The following RAP1GDS1 variants were observed in gnomAD, a reference collection of about 807,000 sequenced individuals.
The protein encoded by RAP1GDS1 is Rap1 GTPase-GDP dissociation stimulator 1.
Under a neutral mutation model 71.1 loss-of-function variants are expected in RAP1GDS1, and 35 were observed. The observed-to-expected ratio is 0.49, with a 90% CI of 0.38 to 0.65. The LOEUF (loss-of-function observed/expected upper bound fraction) is 0.65, where lower values mean the gene tolerates loss of function less well. Among genes scored for constraint, RAP1GDS1 ranks in the 30% least tolerant of loss-of-function variants. RAP1GDS1 has a pLI of 0.00. For missense variants in RAP1GDS1, 663 were observed against 706.1 expected (o/e 0.94, Z 0.69); for synonymous variants, 229 against 243.1 (o/e 0.94, Z 0.54).
intron 2 of RAP1GDS1, among the ~76,000 whole-genome samples, chr4:98,310,385 A>G (rs1730026365): frequency 6.6e-6 from 1 of 152,152 alleles, no homozygotes; most frequent in South Asian, 2.1e-4. Flanking sequence ...GCAATGAGGT[A>G]TGTTCAGTAC....
chr4:98,309,114 C>T (rs1198995697), intron 2 of RAP1GDS1, among the ~76,000 whole-genome samples: 1 of 151,802 alleles, frequency 6.6e-6, no homozygotes, highest in Non-Finnish European at 1.5e-5. Flanking sequence ...GTGCGTGATG[C>T]CAAATGAATT....
intron 2 of RAP1GDS1, among the ~76,000 whole-genome samples, chr4:98,306,694 A>T (rs1729375069): frequency 6.6e-6 from 1 of 152,238 alleles, no homozygotes; most frequent in South Asian, 2.1e-4. Context: ...GCTTTAAGTA[A>T]TAAATAGATT....
At chr4:98,440,460 A>C (rs1751724396) in intron 14 of RAP1GDS1, among the ~76,000 whole-genome samples, 1 of 152,140 alleles carries the variant, frequency 6.6e-6, no homozygotes, top group Non-Finnish European at 1.5e-5. Context: ...ACCATTGTAC[A>C]TTTCTTCCAG....
Position 98,409,240 on chromosome 4 carries a change from G to A in RAP1GDS1, c.763+4638G>A, listed in dbSNP as rs927908320. ...ACAGAAAATAAAATGTGAAAAATAC[G>A]TTGGATAGCCCTTTTAGCTGGAACT... is the stretch of plus-strand genomic sequence containing the variant. On this transcript the variant is annotated intron_variant, in intron 7 of 14. Transcript: ENST00000408927. 3.9e-5 allele frequency: 6 copies of A among 152,186 alleles called. No homozygotes were observed. The East Asian group carries it at 5.8e-4, about 15-fold the overall frequency. 9.4% of individuals were successfully genotyped at this position (152,186 alleles called of 1,614,324 possible). A position where few individuals can be genotyped will look rare whatever the true frequency, so the allele number is the denominator to read the frequency against.
intron 2 of RAP1GDS1, among the ~76,000 whole-genome samples, chr4:98,295,102 GA>G (rs1727539917): frequency 1.3e-5 from 2 of 151,690 alleles, no homozygotes; most frequent in Non-Finnish European, 2.9e-5. Context: ...GGGAAATGAA[GA>G]AAAAAGGGAG....
At chr4:98,317,561 C>T (rs764640065) in intron 2 of RAP1GDS1, among the ~76,000 whole-genome samples, 3 of 152,084 alleles carry the variant, frequency 2.0e-5, no homozygotes, top group Admixed American at 6.6e-5. Context: ...GAACTAAATG[C>T]AGTTTTTGAA....
At chr4:98,396,891 A>G (rs993414224) in intron 6 of RAP1GDS1, 3 of 152,274 alleles carry the variant, frequency 2.0e-5, no homozygotes, top group African/African-American at 7.2e-5. Context: ...TGTTTTTAAT[A>G]AAAGTGTTAA....
At chr4:98,398,708 A>T (rs1016023361) in intron 6 of RAP1GDS1, among the ~76,000 whole-genome samples, 2 of 152,228 alleles carry the variant, frequency 1.3e-5, no homozygotes, top group African/African-American at 4.8e-5. Flanking sequence ...AAAACCTCTT[A>T]GAACCAAAAA....
intron 2 of RAP1GDS1, among the ~76,000 whole-genome samples, chr4:98,305,858 C>T (rs1560804995): frequency 6.6e-6 from 1 of 152,086 alleles, no homozygotes; most frequent in African/African-American, 2.4e-5. Context: ...ATTTGAAAAA[C>T]TTTTTATGTT....
At chr4:98,430,221 C>T (rs1228056649) in intron 12 of RAP1GDS1, among the ~76,000 whole-genome samples, 1 of 152,108 alleles carries the variant, frequency 6.6e-6, no homozygotes, top group Non-Finnish European at 1.5e-5. Context: ...TAGCAGAAAA[C>T]AACTTGAAAT....
chr4:98,288,256 C>T (rs1201108544), intron 1 of RAP1GDS1, among the ~76,000 whole-genome samples: 1 of 152,094 alleles, frequency 6.6e-6, no homozygotes, highest in African/African-American at 2.4e-5. Context: ...TGTTCAGTTC[C>T]CACCTATGAG....
chr4:98,425,978 A>T (rs1473305163), intron 12 of RAP1GDS1, among the ~76,000 whole-genome samples: 2 of 152,188 alleles, frequency 1.3e-5, no homozygotes, highest in Non-Finnish European at 2.9e-5. Context: ...ATAGACCACA[A>T]AACAAGCCTC....
chr4:98,420,261 T>C (rs1291223177), intron 11 of RAP1GDS1, 117 bp downstream of exon 11: 2 of 1,012,068 alleles, frequency 2.0e-6, no homozygotes, highest in East Asian at 6.9e-5. Context: ...AAATAGCAAA[T>C]AAAAGATTTA....
At chr4:98,264,536 G>A (rs779529417) in intron 1 of RAP1GDS1, among the ~76,000 whole-genome samples, 1 of 152,198 alleles carries the variant, frequency 6.6e-6, no homozygotes, top group Non-Finnish European at 1.5e-5. Context: ...TTTAGTGTTT[G>A]TTGGATATCA....
intron 2 of RAP1GDS1, among the ~76,000 whole-genome samples, chr4:98,303,627 A>AATAATATAAT (rs3048386): frequency 0.096 from 13,592 of 141,122 alleles, 663 homozygotes; most frequent in Admixed American, 0.13. Flanking sequence ...GTAAATTAAT[A>AATAATATAAT]ATAATATAAT....
At chr4:98,285,993 C>T (rs536643519) in intron 1 of RAP1GDS1, among the ~76,000 whole-genome samples, 11 of 149,994 alleles carry the variant, frequency 7.3e-5, no homozygotes, top group African/African-American at 2.2e-4. Flanking sequence ...TGGCTGGGCA[C>T]GGTGGGCTCA....
chr4:98,427,796 CT>C (rs1229815188), intron 12 of RAP1GDS1, among the ~76,000 whole-genome samples: 1 of 152,090 alleles, frequency 6.6e-6, no homozygotes, highest in African/African-American at 2.4e-5. Flanking sequence ...CAAAAGCAAT[CT>C]ACAAATTCGA....
intron 1 of RAP1GDS1, among the ~76,000 whole-genome samples, chr4:98,288,773 T>C (rs542493063): frequency 6.6e-6 from 1 of 152,306 alleles, no homozygotes; most frequent in East Asian, 1.9e-4. Flanking sequence ...TGCATTTCTC[T>C]TAAGGCCTAG....
intron 12 of RAP1GDS1, among the ~76,000 whole-genome samples, chr4:98,430,389 T>C (rs1424250167): frequency 6.6e-6 from 1 of 152,214 alleles, no homozygotes; most frequent in Non-Finnish European, 1.5e-5. Context: ...AGTGTGTTAA[T>C]TGCATGAGTT....
Sources: gnomAD v4.1 joint callset for allele counts (sites outside exome capture counted in the v4.1 genomes callset) on GRCh38, gnomAD v4.1.1 for gene constraint, MANE v1.5 for transcripts, NCBI Gene and HGNC (gene_info 2026-07-23, HGNC 2026-07-21) for gene names.